HIVEP3: variants seen among roughly 807,000 people sequenced by gnomAD.
HIVEP3 encodes the protein transcription factor HIVEP3.
In HIVEP3, 49 loss-of-function variants were observed where a neutral mutation model predicts 152.8. That is an observed-to-expected ratio of 0.32 (90% CI 0.26 to 0.41). The LOEUF (loss-of-function observed/expected upper bound fraction) is 0.41, where lower values mean the gene tolerates loss of function less well. Among genes scored for constraint, HIVEP3 ranks in the 10% least tolerant of loss-of-function variants. The pLI is 1.00. For missense variants in HIVEP3, 2,790 were observed against 3,103.3 expected (o/e 0.90, Z 2.40); for synonymous variants, 1,269 against 1,289.0 (o/e 0.98, Z 0.33).
intron 1 of HIVEP3, among the ~76,000 whole-genome samples, chr1:41,988,798 A>G (rs1401077253): frequency 6.6e-6 from 1 of 152,250 alleles, no homozygotes; most frequent in African/African-American, 2.4e-5. Flanking sequence ...TATAATAGCC[A>G]AGATATGGAA....
chr1:41,768,746 T>A (rs1283212917), intron 1 of HIVEP3, among the ~76,000 whole-genome samples: 1 of 152,222 alleles, frequency 6.6e-6, no homozygotes, highest in African/African-American at 2.4e-5. Context: ...CTGCTTCTGG[T>A]CATTCACAGA....
chr1:41,938,720 T>C (rs764450385), intron 1 of HIVEP3, among the ~76,000 whole-genome samples: 1 of 152,072 alleles, frequency 6.6e-6, no homozygotes, highest in African/African-American at 2.4e-5. Context: ...ACAATGAAAA[T>C]TATGCTGAGA....
At chr1:41,962,381 A>G (rs1218816475) in intron 1 of HIVEP3, among the ~76,000 whole-genome samples, 1 of 152,232 alleles carries the variant, frequency 6.6e-6, no homozygotes, top group African/African-American at 2.4e-5. Context: ...AAGAATAATT[A>G]TCGCCCAGTG....
In HIVEP3 at chr1:41,845,413, ACACACG is replaced by A. The variant is rs1157452967; in HGVS notation, c.-801+72994_-801+72999del. ...ACCTACACACCTCCTATACACACAC[ACACACG>A]CACACACACACACACACACACACAC... On this transcript the variant is annotated intron_variant, in intron 1 of 8. Transcript: ENST00000372583. 6.9e-3 allele frequency among the ~76,000 whole-genome samples: 652 copies of A among 94,656 alleles called. 12 individuals carry two copies. The highest frequency in any genetic ancestry group is 0.024 in the African/African-American group (417 of 17,356). 62.1% of individuals were successfully genotyped at this position (94,656 alleles called of 152,430 possible). A position where few individuals can be genotyped will look rare whatever the true frequency, so the allele number is the denominator to read the frequency against.
In HIVEP3 at chr1:41,642,369, C is replaced by T. The variant is rs142755513; in HGVS notation, c.-720-13422G>A. Among the ~76,000 whole-genome samples the T allele has an allele frequency of 4.6e-5, 7 of 152,368 alleles. No homozygotes were observed. In the East Asian group the frequency reaches 1.3e-3, roughly 29 times the overall value. ...CAACTGCCATGCTCCACATTCATGC[C>T]TCTTTGCAGTTGTCTCTGTCTGGAA... On this transcript the variant is annotated intron_variant, in intron 2 of 8. Transcript: ENST00000372583.
chr1:41,801,356 T>C (rs1001455666), intron 1 of HIVEP3, among the ~76,000 whole-genome samples: 3 of 152,166 alleles, frequency 2.0e-5, no homozygotes, highest in African/African-American at 7.2e-5. Context: ...CCACCTAGGC[T>C]GATGGGTTTT....
At chr1:41,875,407 T>G (rs781450727) in intron 1 of HIVEP3, among the ~76,000 whole-genome samples, 8 of 152,238 alleles carry the variant, frequency 5.3e-5, no homozygotes, top group Non-Finnish European at 1.0e-4. Context: ...GCCTTCCAAC[T>G]GGGTTCCTGG....
chr1:41,752,870 T>G (rs1018880276), intron 1 of HIVEP3, among the ~76,000 whole-genome samples: 1 of 152,250 alleles, frequency 6.6e-6, no homozygotes, highest in African/African-American at 2.4e-5. Flanking sequence ...TTCTCTCCGC[T>G]GGACAATCTC....
chr1:41,626,837 G>A lies in HIVEP3; in HGVS notation c.-522+1912C>T, dbSNP rs563553021. The stretch of plus-strand genomic sequence containing the variant: ...TGGGGAAGGGGTCATCCTTGGAGCT[G>A]TCATTGCTCTTCTTCAGGAAGCATC... On this transcript the variant is annotated intron_variant, in intron 3 of 8. Coordinates refer to ENST00000372583, the MANE Select transcript of HIVEP3 (RefSeq NM_024503.5). Among the ~76,000 whole-genome samples the A allele has an allele frequency of 8.5e-5, 13 of 152,322 alleles. No homozygotes were observed. The South Asian group carries it at 2.7e-3, about 32-fold the overall frequency.
At chr1:41,659,371 C>T (rs556526721) in intron 2 of HIVEP3, among the ~76,000 whole-genome samples, 19 of 152,194 alleles carry the variant, frequency 1.2e-4, no homozygotes, top group South Asian at 4.1e-4. Flanking sequence ...GTGTATATGA[C>T]GACTTAGCTT....
intron 1 of HIVEP3, among the ~76,000 whole-genome samples, chr1:41,843,498 G>A (rs2124372247): frequency 6.6e-6 from 1 of 152,046 alleles, no homozygotes; most frequent in African/African-American, 2.4e-5. Context: ...ACAAACTCCA[G>A]TAAAGAATGT....
At chr1:42,024,547 T>C (rs1341255060) in intron 1 of HIVEP3, among the ~76,000 whole-genome samples, 2 of 152,360 alleles carry the variant, frequency 1.3e-5, no homozygotes, top group African/African-American at 2.4e-5. Flanking sequence ...AGAATGCTCT[T>C]GATTCTTTTT....
intron 1 of HIVEP3, among the ~76,000 whole-genome samples, chr1:41,790,503 T>C (rs1649628001): frequency 6.6e-6 from 1 of 152,208 alleles, no homozygotes; most frequent in Admixed American, 6.5e-5. Flanking sequence ...CCATGTAACC[T>C]TGGAAATGTT....
intron 2 of HIVEP3, among the ~76,000 whole-genome samples, chr1:41,634,355 T>C (rs186415869): frequency 6.6e-6 from 1 of 152,194 alleles, no homozygotes; most frequent in African/African-American, 2.4e-5. Flanking sequence ...AAACTAACCA[T>C]TTCTAGAAGA....
intron 1 of HIVEP3, among the ~76,000 whole-genome samples, chr1:42,018,371 T>C (rs1053490844): frequency 1.4e-5 from 2 of 146,024 alleles, no homozygotes; most frequent in African/African-American, 5.0e-5. Context: ...ACCTAATATA[T>C]ATAGACCTAC....
chr1:41,573,962 C>T (rs549624047), intron 5 of HIVEP3, among the ~76,000 whole-genome samples: 31 of 152,226 alleles, frequency 2.0e-4, no homozygotes, highest in Admixed American at 3.3e-4. Flanking sequence ...CATTGCAGAC[C>T]GTGTAGGTAG....
intron 7 of HIVEP3, 23 bp downstream of exon 7, chr1:41,518,379 C>T (rs373461183): frequency 8.1e-5 from 130 of 1,595,852 alleles, no homozygotes; most frequent in South Asian, 9.9e-5. Flanking sequence ...GGAAAGGGGA[C>T]GGAGAAGGTT....
At chr1:41,871,660 T>G (rs1467718894) in intron 1 of HIVEP3, among the ~76,000 whole-genome samples, 1 of 152,238 alleles carries the variant, frequency 6.6e-6, no homozygotes, top group Non-Finnish European at 1.5e-5. Context: ...AATAACCAGA[T>G]AGCAGGATAA....
rs112765243 is a variant in HIVEP3, at chr1:41,510,620, C to A, written c.7052G>T (p.Arg2351Leu). 1.6e-5 allele frequency: 25 copies of A among 1,549,522 alleles called. 1 individual carries two copies. In the African/African-American group the frequency reaches 1.9e-4, roughly 12 times the overall value. ...TGCCAGGCAGCCCACAGAGCTGCTGCGGTCCAGCGGCGGGGTGGCAGAAGG... is the reference window on the plus strand; with the variant it reads ...TGCCAGGCAGCCCACAGAGCTGCTGAGGTCCAGCGGCGGGGTGGCAGAAGG... ...PEPSATPPLD[R>L]SSSVGCLAEA... Residue 2351 changes from arginine (R) to leucine (L), a missense_variant, in exon 9 of 9, where the codon CGC becomes CTC. Around this residue, in one of 9 missense-constraint regions of HIVEP3, gnomAD observed 816 missense variants for 806.5 expected, o/e 1.01. Coordinates refer to ENST00000372583, the MANE Select transcript of HIVEP3 (RefSeq NM_024503.5).
Sources: allele counts gnomAD v4.1 joint callset (sites outside exome capture counted in the v4.1 genomes callset), GRCh38; gene constraint gnomAD v4.1.1; regional missense constraint gnomAD v4.1.1; transcripts MANE v1.5; gene names NCBI Gene and HGNC (gene_info 2026-07-23, HGNC 2026-07-21).